Variants in THSD7B observed in about 807,000 individuals in gnomAD.
THSD7B encodes the protein thrombospondin type 1 domain containing 7B, also known as thrombospondin type-1 domain-containing protein 7B.
Under a neutral mutation model 213.6 loss-of-function variants are expected in THSD7B, and 138 were observed. That is an observed-to-expected ratio of 0.65 (90% CI 0.56 to 0.74). The LOEUF (loss-of-function observed/expected upper bound fraction) is 0.74. THSD7B is among the 30% of genes least tolerant of loss of function. THSD7B has a pLI of 0.00. For missense variants in THSD7B, 1,931 were observed against 1,991.5 expected (o/e 0.97, Z 0.58); for synonymous variants, 742 against 687.0 (o/e 1.08, Z -1.25).
chr2:137,471,240 A>C (rs527309581), intron 15 of THSD7B, among the ~76,000 whole-genome samples: 79 of 152,232 alleles, frequency 5.2e-4, no homozygotes, highest in African/African-American at 1.8e-3. Flanking sequence ...CATTTCTAAG[A>C]CAAACATCAA....
intron 14 of THSD7B, among the ~76,000 whole-genome samples, chr2:137,439,662 A>T (rs1197462950): frequency 6.6e-6 from 1 of 152,142 alleles, no homozygotes; most frequent in Non-Finnish European, 1.5e-5. Flanking sequence ...CCTTGGTGAT[A>T]GTTCAAAGGA....
chr2:136,785,334 C>T (rs61565801), intron 1 of THSD7B, among the ~76,000 whole-genome samples: 32,835 of 152,028 alleles, frequency 0.22, 4,162 homozygotes, highest in East Asian at 0.41. Flanking sequence ...GTTCCCCTTG[C>T]CCCCTCAGGT....
intron 2 of THSD7B, among the ~76,000 whole-genome samples, chr2:136,970,130 T>C (rs920567616): frequency 1.3e-5 from 2 of 151,978 alleles, no homozygotes; most frequent in Admixed American, 6.6e-5. Flanking sequence ...AAAAATAACA[T>C]AGAAGAAATA....
intron 12 of THSD7B, among the ~76,000 whole-genome samples, chr2:137,330,610 C>T (rs1040196229): frequency 1.3e-5 from 2 of 151,896 alleles, no homozygotes; most frequent in African/African-American, 4.8e-5. Context: ...GCTCTTAAGG[C>T]AGTGCGTCTG....
intron 7 of THSD7B, among the ~76,000 whole-genome samples, chr2:137,200,879 GACTGGTCTCCAA>G: frequency 6.8e-5 from 2 of 29,528 alleles, no homozygotes; most frequent in South Asian, 4.3e-3. Context: ...ATGTTGCCCA[GACTGGTCTCCAA>G]CTCCTGGCCT....
intron 16 of THSD7B, among the ~76,000 whole-genome samples, chr2:137,569,344 AT>A (rs1681306504): frequency 6.6e-6 from 1 of 152,218 alleles, no homozygotes. Context: ...TTTTTGCAGT[AT>A]GTAAACTTTT....
chr2:137,575,311 T>A (rs1225877238), intron 17 of THSD7B, among the ~76,000 whole-genome samples: 3 of 152,092 alleles, frequency 2.0e-5, no homozygotes, highest in Admixed American at 6.6e-5. Flanking sequence ...TGCCACATGG[T>A]TGGGAAATCC....
chr2:137,632,586 G>T (rs1217927772), intron 20 of THSD7B, among the ~76,000 whole-genome samples: 1 of 152,168 alleles, frequency 6.6e-6, no homozygotes, highest in Non-Finnish European at 1.5e-5. Context: ...ATTGAAATGT[G>T]ATTGTTGAAA....
chr2:137,599,086 A>G (rs1306334998), intron 17 of THSD7B, among the ~76,000 whole-genome samples: 1 of 127,768 alleles, frequency 7.8e-6, no homozygotes, highest in Non-Finnish European at 1.6e-5. Flanking sequence ...TCATGTGTCC[A>G]TGTGATCTCA....
intron 7 of THSD7B, among the ~76,000 whole-genome samples, chr2:137,184,969 T>G (rs906418158): frequency 5.9e-5 from 9 of 152,292 alleles, no homozygotes; most frequent in South Asian, 2.1e-4. Flanking sequence ...TAGTCACAGA[T>G]GAATGACTTT....
intron 2 of THSD7B, among the ~76,000 whole-genome samples, chr2:136,956,756 TGCAACCTC>T (rs1685133729): frequency 6.6e-6 from 1 of 151,810 alleles, no homozygotes; most frequent in Non-Finnish European, 1.5e-5. Context: ...CTCAGGTCAC[TGCAACCTC>T]TGCCTCCCGG....
At chr2:137,379,615 T>C (rs1489428853) in intron 12 of THSD7B, among the ~76,000 whole-genome samples, 5 of 152,232 alleles carry the variant, frequency 3.3e-5, no homozygotes, top group African/African-American at 1.2e-4. Flanking sequence ...GATTTCTTTG[T>C]ATAATAGCAA....
In THSD7B at chr2:137,405,684, C is replaced by A; in HGVS notation, c.2572C>A (p.Pro858Thr). ...ATGCCTCAAGCAGACAAACGGCATG[C>A]CTCTCCTTGTGCAAGAATGCACAGT... ...MECLKQTNGMPLLVQECTVPC... is the reference protein window; with the variant it reads ...MECLKQTNGMTLLVQECTVPC... The change falls in exon 13 of 28, where the codon CCT (proline) becomes ACT (threonine). Residue 858 changes from proline to threonine, a missense_variant. Physicochemically the swap from Pro to Thr is conservative, Grantham distance 38. Transcript: ENST00000409968. 1 of 1,613,562 alleles carries A rather than the reference C, an allele frequency of 6.2e-7. No individual in the cohort carries two copies. The highest frequency in any genetic ancestry group is 8.5e-7 in the Non-Finnish European group (1 of 1,179,754).
At chr2:137,208,777 A>G (rs1442492479) in intron 7 of THSD7B, among the ~76,000 whole-genome samples, 2 of 152,004 alleles carry the variant, frequency 1.3e-5, no homozygotes, top group African/African-American at 2.4e-5. Flanking sequence ...GAACTGGATG[A>G]GTCATGAGCC....
At chr2:136,855,661 G>A (rs763047379) in intron 1 of THSD7B, among the ~76,000 whole-genome samples, 9 of 150,882 alleles carry the variant, frequency 6.0e-5, no homozygotes, top group Non-Finnish European at 1.3e-4. Context: ...TAGTAGAGAC[G>A]GGGTTTCACC....
chr2:136,989,061 G>T (rs1685717693), intron 2 of THSD7B, among the ~76,000 whole-genome samples: 1 of 152,186 alleles, frequency 6.6e-6, no homozygotes, highest in Admixed American at 6.5e-5. Context: ...ATATAAATGG[G>T]TGGTCAGGAG....
intron 12 of THSD7B, among the ~76,000 whole-genome samples, chr2:137,384,668 G>T (rs972778392): frequency 6.6e-6 from 1 of 152,182 alleles, no homozygotes; most frequent in African/African-American, 2.4e-5. Flanking sequence ...CATGGCATGG[G>T]CCCTGTCATC....
At chr2:136,981,140 T>C (rs1055637278) in intron 2 of THSD7B, among the ~76,000 whole-genome samples, 5 of 152,242 alleles carry the variant, frequency 3.3e-5, no homozygotes, top group Non-Finnish European at 4.4e-5. Flanking sequence ...AAAGAGTGAA[T>C]GTAACTTTCT....
chr2:137,157,076 A>G (rs190254995), intron 5 of THSD7B, among the ~76,000 whole-genome samples: 15 of 152,354 alleles, frequency 9.8e-5, no homozygotes, highest in Non-Finnish European at 1.6e-4. Flanking sequence ...TTTACTCACC[A>G]TTGTAGCTTA....
Sources: allele counts gnomAD v4.1 joint callset (sites outside exome capture counted in the v4.1 genomes callset), GRCh38; gene constraint gnomAD v4.1.1; transcripts MANE v1.5; gene names NCBI Gene and HGNC (gene_info 2026-07-23, HGNC 2026-07-21).